KIAA1217: variants seen among roughly 807,000 people sequenced by gnomAD.
KIAA1217 encodes sickle tail protein homolog.
A neutral mutation model predicts 163.9 loss-of-function variants in KIAA1217; 88 were observed. That is an observed-to-expected ratio of 0.54 (90% CI 0.45 to 0.64). The LOEUF (loss-of-function observed/expected upper bound fraction) is 0.64, where lower values mean the gene tolerates loss of function less well. Among genes scored for constraint, KIAA1217 ranks in the 30% least tolerant of loss-of-function variants. The probability of loss-of-function intolerance (pLI) is 0.00; values close to 1 mark genes in which losing one functional copy is unlikely to be tolerated. For synonymous variants in KIAA1217, 903 were observed against 923.1 expected (o/e 0.98, Z 0.39); for missense variants, 2,372 against 2,475.0 (o/e 0.96, Z 0.88).
intron 2 of KIAA1217, among the ~76,000 whole-genome samples, chr10:24,054,526 A>C (rs1849746285): frequency 6.6e-6 from 1 of 152,184 alleles, no homozygotes; most frequent in Non-Finnish European, 1.5e-5. Context: ...GTGTGCACTA[A>C]CTTGTCTTTT....
intron 2 of KIAA1217, among the ~76,000 whole-genome samples, chr10:24,027,218 C>T (rs1847990965): frequency 6.6e-6 from 1 of 152,072 alleles, no homozygotes; most frequent in Non-Finnish European, 1.5e-5. Flanking sequence ...CTCAGGGAGA[C>T]TGCTGAGCTC....
chr10:23,866,988 A>C lies in KIAA1217; in HGVS notation c.-320-140237A>C, dbSNP rs867472808. On this transcript the variant is annotated intron_variant, in intron 1 of 18. Coordinates refer to the KIAA1217 transcript ENST00000376462. The stretch of plus-strand genomic sequence containing the variant: ...AGCATTAGGTATATCTCCTAAAGCT[A>C]TCCCTCCCCCCTCCCCCCACCGCAC... 2.9e-4 allele frequency among the ~76,000 whole-genome samples: 38 copies of C among 131,170 alleles called. No homozygotes were observed. The South Asian group carries it at 5.0e-3, about 17-fold the overall frequency. The allele number at this position is 131,170 out of a possible 152,430, so 86.1% of individuals were successfully genotyped here.
chr10:23,906,521 G>A (rs879079522), intron 1 of KIAA1217, among the ~76,000 whole-genome samples: 3 of 152,122 alleles, frequency 2.0e-5, no homozygotes, highest in Admixed American at 6.6e-5. Context: ...TTTGTGCAAA[G>A]TAGTTTAGTT....
At chr10:23,776,244 C>T (rs537760151) in intron 1 of KIAA1217, among the ~76,000 whole-genome samples, 3 of 152,076 alleles carry the variant, frequency 2.0e-5, no homozygotes, top group African/African-American at 7.2e-5. Context: ...AAGATTCTTC[C>T]CCAAAGGACA....
chr10:23,780,996 C>G (rs189931577), intron 1 of KIAA1217, among the ~76,000 whole-genome samples: 7 of 152,188 alleles, frequency 4.6e-5, no homozygotes, highest in Admixed American at 4.6e-4. Flanking sequence ...ATTTTCTTAA[C>G]CACTTATTTA....
intron 8 of KIAA1217, 80 bp downstream of exon 8, chr10:24,495,276 A>C: frequency 1.7e-6 from 2 of 1,147,616 alleles, no homozygotes; most frequent in African/African-American, 1.6e-5. Context: ...AATGTTTAAC[A>C]TTTCCCTAAG....
intron 1 of KIAA1217, among the ~76,000 whole-genome samples, chr10:23,894,246 G>T (rs959011888): frequency 6.6e-6 from 1 of 151,674 alleles, no homozygotes; most frequent in African/African-American, 2.4e-5. Context: ...AAACCCCATT[G>T]TCTCAGCCCA....
At chr10:24,288,561 G>C (rs897144280) in intron 2 of KIAA1217, among the ~76,000 whole-genome samples, 2 of 152,202 alleles carry the variant, frequency 1.3e-5, no homozygotes, top group African/African-American at 4.8e-5. Context: ...TTGCTATATA[G>C]GATGTGAATG....
rs865979203 is a variant in KIAA1217, at chr10:24,433,160, G to A, written c.719G>A (p.Ser240Asn). 2.5e-6 allele frequency: 4 copies of A among 1,613,834 alleles called. No homozygotes were observed. In the African/African-American group the frequency reaches 4.0e-5, roughly 16 times the overall value. ...PSVAIYIKDE[S>N]RNVYYELNDV... Reference sequence around the variant, plus strand: ...GTCGCCATTTACATCAAAGATGAAAGCAGAAATGTCTATTATGAATTAAAT... The same window carrying A: ...GTCGCCATTTACATCAAAGATGAAAACAGAAATGTCTATTATGAATTAAAT... The change falls in exon 4 of 21, where the codon AGC becomes AAC. Residue 240 changes from serine to asparagine, a missense_variant. Around this residue, in one of 3 missense-constraint regions of KIAA1217, gnomAD observed 1,431 missense variants for 1,470.3 expected, o/e 0.97. Coordinates refer to ENST00000376454, the MANE Select transcript of KIAA1217 (RefSeq NM_019590.5).
In KIAA1217 at chr10:24,545,040, A is replaced by C. The variant is rs1592853028; in HGVS notation, c.5271A>C (p.Arg1757Ser). ...CTGTCCCCATGAGTGCCAAGAACAG[A>C]CCCGGAACCCTGGACAAACCCGGCA... ...RMPVPMSAKNRPGTLDKPGKQ... is the reference protein window; with the variant it reads ...RMPVPMSAKNSPGTLDKPGKQ... The change falls in exon 20 of 21, where the codon AGA becomes AGC. Residue 1757 changes from arginine (R) to serine (S), a missense_variant. Arg to Ser is a moderately radical substitution (Grantham distance 110, BLOSUM62 -1). This residue lies in a region of KIAA1217 where 690 missense variants were observed against 677.5 expected (regional missense o/e 1.02). Transcript: ENST00000376454. The C allele has an allele frequency of 1.2e-6, 2 of 1,613,898 alleles. No homozygotes were observed. The highest frequency in any genetic ancestry group is 8.5e-7 in the Non-Finnish European group (1 of 1,179,966).
At chr10:24,130,633 C>T (rs10508669) in intron 2 of KIAA1217, among the ~76,000 whole-genome samples, 47,910 of 152,024 alleles carry the variant, frequency 0.32, 8,290 homozygotes, top group South Asian at 0.41. Context: ...TATCCAGGAA[C>T]TATCCCAAAC....
At chr10:24,123,134 T>TTGTGTGTGTGTGTGTGTG (rs35526705) in intron 2 of KIAA1217, among the ~76,000 whole-genome samples, 12 of 148,174 alleles carry the variant, frequency 8.1e-5, no homozygotes, top group African/African-American at 3.0e-4. Flanking sequence ...TACTGTGTGT[T>TTGTGTGTGTGTGTGTGTG]TGTGTGTGTG....
chr10:24,043,034 G>T (rs867204036), intron 2 of KIAA1217, among the ~76,000 whole-genome samples: 1 of 152,162 alleles, frequency 6.6e-6, no homozygotes, highest in Non-Finnish European at 1.5e-5. Context: ...CTTCTCAGGT[G>T]AATGTTGGAA....
At chr10:23,995,000 A>G (rs1056354679) in intron 1 of KIAA1217, among the ~76,000 whole-genome samples, 1 of 152,232 alleles carries the variant, frequency 6.6e-6, no homozygotes, top group African/African-American at 2.4e-5. Context: ...TAAAAATTAA[A>G]AAAACTTGCT....
intron 12 of KIAA1217, among the ~76,000 whole-genome samples, chr10:24,523,817 C>G (rs1408485814): frequency 1.3e-5 from 2 of 152,190 alleles, no homozygotes; most frequent in African/African-American, 4.8e-5. Context: ...TCAAATGACT[C>G]CAAACACCAG....
chr10:23,905,036 G>T (rs868826512), intron 1 of KIAA1217, among the ~76,000 whole-genome samples: 3 of 131,390 alleles, frequency 2.3e-5, no homozygotes, highest in African/African-American at 2.8e-5. Context: ...AGGTCCCATT[G>T]AATTGGGATT....
intron 1 of KIAA1217, among the ~76,000 whole-genome samples, chr10:23,967,134 T>TTTCTTTGA (rs1845096884): frequency 6.6e-6 from 1 of 151,980 alleles, no homozygotes; most frequent in Non-Finnish European, 1.5e-5. Context: ...TGAAAACAAA[T>TTTCTTTGA]GGCAAAATTG....
At chr10:23,935,497 A>C (rs1182769061) in intron 1 of KIAA1217, among the ~76,000 whole-genome samples, 1 of 152,186 alleles carries the variant, frequency 6.6e-6, no homozygotes, top group Non-Finnish European at 1.5e-5. Flanking sequence ...GTGTAACCAA[A>C]AATTTTATAA....
chr10:24,113,312 C>T (rs1325830083), intron 2 of KIAA1217, among the ~76,000 whole-genome samples: 1 of 152,078 alleles, frequency 6.6e-6, no homozygotes, highest in African/African-American at 2.4e-5. Context: ...AACTAATGTG[C>T]CCAAGTCCAT....
Sources: allele counts gnomAD v4.1 joint callset (sites outside exome capture counted in the v4.1 genomes callset), GRCh38; gene constraint gnomAD v4.1.1; regional missense constraint gnomAD v4.1.1; transcripts MANE v1.5; gene names NCBI Gene and HGNC (gene_info 2026-07-23, HGNC 2026-07-21).